TFDP1: variants seen among roughly 807,000 people sequenced by gnomAD.
The protein encoded by TFDP1 is DRTF1-polypeptide 1.
TFDP1 carries 6 observed loss-of-function variants against 48.0 expected under a neutral mutation model. That is an observed-to-expected ratio of 0.13 (90% CI 0.07 to 0.25). The LOEUF is 0.25. Among genes scored for constraint, TFDP1 ranks in the 10% least tolerant of loss-of-function variants. The pLI, the probability that TFDP1 is intolerant of heterozygous loss-of-function variation, is 1.00. For missense variants in TFDP1, 335 were observed against 543.0 expected, an observed-to-expected ratio of 0.62 and a Z score of 3.81; for synonymous variants, 201 against 211.6, an observed-to-expected ratio of 0.95 and a Z score of 0.44.
intron 3 of TFDP1, among the ~76,000 whole-genome samples, chr13:113,613,760 G>A (rs536294331): frequency 2.0e-5 from 3 of 152,040 alleles, no homozygotes; most frequent in Non-Finnish European, 4.4e-5. Context: ...GCGTGAATGC[G>A]TGGGTGTGTG....
Position 113,634,086 on chromosome 13 carries a change from G to A in TFDP1, c.618+53G>A, listed in dbSNP as rs547083652. 61 of 1,611,892 alleles carry A rather than the reference G, an allele frequency of 3.8e-5. No individual in the cohort carries two copies. In the Admixed American group the frequency reaches 9.8e-4, roughly 26 times the overall value. On this transcript the variant is annotated intron_variant, in intron 7 of 11. Transcript: ENST00000375370. ...GATTTCCCTTCAAGTCCGTGTAGATGTTTTAGTCGTCGGTCACTCAGAAGG... is the reference window on the plus strand; with the variant it reads ...GATTTCCCTTCAAGTCCGTGTAGATATTTTAGTCGTCGGTCACTCAGAAGG...
chr13:113,591,797 G>T (rs545752125), intron 2 of TFDP1, among the ~76,000 whole-genome samples: 2 of 152,208 alleles, frequency 1.3e-5, no homozygotes, highest in Admixed American at 1.3e-4. Context: ...ATGGATCTGC[G>T]AGGGGAAGGG....
chr13:113,589,111 T>C (rs1184269554), intron 2 of TFDP1, among the ~76,000 whole-genome samples: 1 of 152,112 alleles, frequency 6.6e-6, no homozygotes, highest in African/African-American at 2.4e-5. Context: ...GTGGCTGCCT[T>C]TGATGGTCCT....
intron 2 of TFDP1, 120 bp downstream of exon 2, chr13:113,585,969 T>C (rs1181500835): frequency 8.4e-7 from 1 of 1,194,946 alleles, no homozygotes. Flanking sequence ...TTTTCAGACT[T>C]TTAAAGCGTC....
chr13:113,625,985 G>T (rs2049163217), intron 4 of TFDP1, among the ~76,000 whole-genome samples: 1 of 145,284 alleles, frequency 6.9e-6, no homozygotes, highest in African/African-American at 2.6e-5. Context: ...GTGTCCTCAG[G>T]TGTCTCTCAC....
In TFDP1 at chr13:113,636,738, G is replaced by A. The variant is rs777507042; in HGVS notation, c.1006+38G>A. On this transcript the variant is annotated intron_variant, in intron 10 of 11. Coordinates refer to ENST00000375370, the MANE Select transcript of TFDP1 (RefSeq NM_007111.5). ...CAGACAACCTGGCGTGGCTGTGTGA[G>A]GAATGGCCCCCAGCCTCCGACGGTG... The A allele has an allele frequency of 1.9e-6, 3 of 1,601,126 alleles. No individual in the cohort carries two copies. In the African/African-American group the frequency reaches 4.0e-5, roughly 22 times the overall value.
chr13:113,631,067 T>C (rs2049323345), intron 4 of TFDP1, among the ~76,000 whole-genome samples: 1 of 152,244 alleles, frequency 6.6e-6, no homozygotes, highest in South Asian at 2.1e-4. Flanking sequence ...AGGTGATGGC[T>C]GTCACCCTGC....
intron 2 of TFDP1, among the ~76,000 whole-genome samples, chr13:113,600,749 G>A (rs1594429956): frequency 2.7e-5 from 4 of 146,570 alleles, no homozygotes; most frequent in Admixed American, 2.7e-4. Context: ...CCTCACGTAG[G>A]GCTCCAGGAC....
Position 113,625,965 on chromosome 13 carries a change from C to CGTCTCTCACGTGTCCTCAGGT in TFDP1, c.186+2732_186+2752dup, listed in dbSNP as rs1566667859. On this transcript the variant is annotated intron_variant, in intron 4 of 11. Transcript: ENST00000375370. ...CAGGCGTCTCTCACGTGTCCTCAGG[C>CGTCTCTCACGTGTCCTCAGGT]GTCTCTCACGTGTCCTCAGGTGTCT... 3.1e-4 allele frequency among the ~76,000 whole-genome samples: 30 copies of CGTCTCTCACGTGTCCTCAGGT among 96,226 alleles called. 1 individual carries two copies. The highest frequency in any genetic ancestry group is 2.5e-3 in the South Asian group (7 of 2,796). The allele number at this position is 96,226 out of a possible 152,430, so 63.1% of individuals were successfully genotyped here. A position where few individuals can be genotyped will look rare whatever the true frequency, so the allele number is the denominator to read the frequency against.
intron 3 of TFDP1, among the ~76,000 whole-genome samples, chr13:113,617,157 T>A (rs1027722944): frequency 3.3e-5 from 5 of 152,032 alleles, no homozygotes; most frequent in African/African-American, 1.2e-4. Flanking sequence ...GCACAGTAGG[T>A]GTGTGATTTG....
At chr13:113,630,155 G>GCACACACACA (rs3076650) in intron 4 of TFDP1, among the ~76,000 whole-genome samples, 66 of 149,214 alleles carry the variant, frequency 4.4e-4, no homozygotes, top group African/African-American at 1.5e-3. Context: ...TGCCCCAGCA[G>GCACACACACA]CACACACACA....
At chr13:113,590,182 G>A (rs1040146596) in intron 2 of TFDP1, among the ~76,000 whole-genome samples, 9 of 152,200 alleles carry the variant, frequency 5.9e-5, no homozygotes, top group South Asian at 2.1e-4. Context: ...GGCTGTGGAC[G>A]TCACTGCCCG....
chr13:113,622,414 G>T (rs956858904), intron 3 of TFDP1, among the ~76,000 whole-genome samples: 2 of 152,192 alleles, frequency 1.3e-5, no homozygotes, highest in Non-Finnish European at 2.9e-5. Flanking sequence ...TTGCCCTGAC[G>T]CCCCTCCCGG....
chr13:113,626,165 T>C (rs1468491456), intron 4 of TFDP1, among the ~76,000 whole-genome samples: 1 of 151,870 alleles, frequency 6.6e-6, no homozygotes, highest in Non-Finnish European at 1.5e-5. Flanking sequence ...TGTCCCCAGG[T>C]GTCTCTCATG....
intron 2 of TFDP1, among the ~76,000 whole-genome samples, chr13:113,602,988 G>A (rs76955080): frequency 2.0e-4 from 20 of 99,132 alleles, no homozygotes; most frequent in Non-Finnish European, 3.0e-4. Context: ...AAAAAAAAAC[G>A]TATAATTTAC....
chr13:113,634,813 GCGTGCA>G lies in TFDP1; in HGVS notation c.687+212_687+217del, dbSNP rs796330291. 3.2e-3 allele frequency among the ~76,000 whole-genome samples: 475 copies of G among 150,452 alleles called. 1 individual carries two copies. Among genetic ancestry groups the G allele is most frequent in the African/African-American group, 0.011 (452 of 40,762 alleles). On this transcript the variant is annotated intron_variant, in intron 8 of 11. Coordinates refer to ENST00000375370, the MANE Select transcript of TFDP1 (RefSeq NM_007111.5). Reference sequence around the variant, plus strand: ...CGTGCGTGTGCATGCATGTGTGTGTGCGTGCATGCATGCATGTGTGTGTGTGTGCAT... The same window carrying G: ...CGTGCGTGTGCATGCATGTGTGTGTGTGCATGCATGTGTGTGTGTGTGCAT...
At position 113,607,736 on chromosome 13, in the gene TFDP1, A is replaced by T. The variant is rs1332122367; in HGVS notation, c.13-3260A>T. ...TGGGGAGGAAGAAGCACTGCCCGCA[A>T]GGAGGGGCTGTGCCAGTGGGTGGCG... On this transcript the variant is annotated intron_variant, in intron 2 of 11. Transcript: ENST00000375370. This position sits in a 1 kb window ranked among gnomAD's most constrained non-coding sequence, Gnocchi z 5.2. Among the ~76,000 whole-genome samples the T allele has an allele frequency of 6.6e-6, 1 of 152,130 alleles. No homozygotes were observed. The highest frequency in any genetic ancestry group is 1.5e-5 in the Non-Finnish European group (1 of 68,010).
Position 113,623,102 on chromosome 13 carries a change from C to T in TFDP1, c.80-78C>T. ...AAGCATCTCTAATTGCAAGCACCGT[C>T]TTGCATTTAGAATGGTCGCTTGTAG... On this transcript the variant is annotated intron_variant, in intron 3 of 11. Coordinates refer to ENST00000375370, the MANE Select transcript of TFDP1 (RefSeq NM_007111.5). The surrounding 1 kb of genome is among the most constrained non-coding windows in gnomAD (Gnocchi z 5.2). 7.6e-7 allele frequency: 1 copy of T among 1,311,840 alleles called. No individual in the cohort carries two copies. Among genetic ancestry groups the T allele is most frequent in the South Asian group, 1.3e-5 (1 of 78,340 alleles). The allele number at this position is 1,311,840 out of a possible 1,614,324, so 81.3% of individuals were successfully genotyped here.
chr13:113,637,938 T>TC (rs1368574743), intron 11 of TFDP1, 42 bp downstream of exon 11: 1 of 1,598,704 alleles, frequency 6.3e-7, no homozygotes, highest in Admixed American at 1.7e-5. Flanking sequence ...CATCTGGGCC[T>TC]CCCCCGGGGT....
Sources: allele counts gnomAD v4.1 joint callset (sites outside exome capture counted in the v4.1 genomes callset), GRCh38; gene constraint gnomAD v4.1.1; non-coding constraint Gnocchi (gnomAD v3.1); transcripts MANE v1.5; gene names NCBI Gene and HGNC (gene_info 2026-07-23, HGNC 2026-07-21).